The following MEMO1 variants were observed in gnomAD, a reference collection of about 807,000 sequenced individuals.
MEMO1 encodes mediator of cell motility 1.
A neutral mutation model predicts 45.2 loss-of-function variants in MEMO1; 6 were observed. The observed-to-expected ratio is 0.13, with a 90% CI of 0.07 to 0.26. The LOEUF (loss-of-function observed/expected upper bound fraction) is 0.26. Among genes scored for constraint, MEMO1 ranks in the 10% least tolerant of loss-of-function variants. The pLI is 1.00. For missense variants in MEMO1, 184 were observed against 370.5 expected, an observed-to-expected ratio of 0.50 and a Z score of 4.13; for synonymous variants, 78 against 124.3, an observed-to-expected ratio of 0.63 and a Z score of 2.48.
chr2:31,906,540 G>C (rs1431908205), intron 6 of MEMO1, among the ~76,000 whole-genome samples: 1 of 151,826 alleles, frequency 6.6e-6, no homozygotes, highest in African/African-American at 2.4e-5. Context: ...GGCCAGGATG[G>C]TCTTGAACTC....
chr2:31,922,779 A>T (rs1410195962), intron 4 of MEMO1, among the ~76,000 whole-genome samples: 1 of 151,898 alleles, frequency 6.6e-6, no homozygotes, highest in Non-Finnish European at 1.5e-5. Context: ...CTCTAGCTCA[A>T]TGTTGCTGCA....
chr2:31,956,881 C>G (rs1215206254), intron 2 of MEMO1, among the ~76,000 whole-genome samples: 1 of 152,156 alleles, frequency 6.6e-6, no homozygotes, highest in East Asian at 1.9e-4. Flanking sequence ...CAGTGGCTCA[C>G]GCCTCTAATC....
chr2:31,940,853 C>G (rs995333104), intron 3 of MEMO1, among the ~76,000 whole-genome samples: 6 of 152,150 alleles, frequency 3.9e-5, no homozygotes, highest in Admixed American at 1.3e-4. Flanking sequence ...CTTGACTCTT[C>G]TTCTCTCTAT....
chr2:31,986,969 C>T (rs764020889), intron 2 of MEMO1, among the ~76,000 whole-genome samples: 5 of 152,030 alleles, frequency 3.3e-5, no homozygotes, highest in Non-Finnish European at 7.4e-5. Flanking sequence ...AAGAGTGTAG[C>T]ATGTTGCAAC....
At position 32,010,214 on chromosome 2, in the gene MEMO1, G is replaced by C; in HGVS notation, c.34C>G (p.His12Asp). The stretch of plus-strand genomic sequence containing the variant: ...GAGGCTGTGTACCAGCTCCCGGCGT[G>C]ACTGGCTTCTCGGCAGACCACTCGG... ...SNRVVCREAS[H>D]AGSWYTASGP... Residue 12 changes from histidine to aspartate, a missense_variant, in exon 2 of 10, where the codon CAC becomes GAC. This residue lies in a region of MEMO1 where 27 missense variants were observed against 82.1 expected (regional missense o/e 0.33). Transcript: ENST00000404530. 1 of 1,506,002 alleles carries C rather than the reference G, an allele frequency of 6.6e-7. No homozygotes were observed. The allele number at this position is 1,506,002 out of a possible 1,614,324, so 93.3% of individuals were successfully genotyped here.
At chr2:32,000,465 C>T (rs931896677) in intron 2 of MEMO1, among the ~76,000 whole-genome samples, 3 of 151,218 alleles carry the variant, frequency 2.0e-5, no homozygotes, top group East Asian at 2.0e-4. Flanking sequence ...CTCCTGACCT[C>T]GTGATCCGCC....
chr2:32,000,240 T>A (rs1169445940), intron 2 of MEMO1, among the ~76,000 whole-genome samples: 2 of 151,696 alleles, frequency 1.3e-5, no homozygotes, highest in Admixed American at 1.3e-4. Flanking sequence ...CTTATTTTTT[T>A]TTTTTTGAGA....
rs140568290 is a variant in MEMO1, at chr2:31,877,543, G to GA, written c.657+5842dup. 4.7e-3 allele frequency among the ~76,000 whole-genome samples: 717 copies of GA among 152,218 alleles called. 6 individuals carry two copies. The highest frequency in any genetic ancestry group is 0.017 in the African/African-American group (694 of 41,532). ...TTTTGCATTGATTTTAATATACAAT[G>GA]AGTTTCCCAGGAATAAAACTATCAT... On this transcript the variant is annotated intron_variant, in intron 8 of 9. Coordinates refer to ENST00000404530, the MANE Select transcript of MEMO1 (RefSeq NM_001301833.4).
intron 2 of MEMO1, among the ~76,000 whole-genome samples, chr2:31,994,018 T>C (rs1322502343): frequency 7.4e-6 from 1 of 134,680 alleles, no homozygotes; most frequent in Non-Finnish European, 1.5e-5. Context: ...TTGAGTGCAG[T>C]GACATGATCT....
At chr2:32,005,156 G>A (rs573693785) in intron 2 of MEMO1, among the ~76,000 whole-genome samples, 3 of 151,526 alleles carry the variant, frequency 2.0e-5, no homozygotes, top group Admixed American at 6.6e-5. Context: ...ATGTAACACC[G>A]AGCAAAAGCT....
At chr2:31,986,275 T>C (rs1482912406) in intron 2 of MEMO1, among the ~76,000 whole-genome samples, 3 of 152,038 alleles carry the variant, frequency 2.0e-5, no homozygotes, top group African/African-American at 4.8e-5. Context: ...GGCAGGGGCC[T>C]GTAGTCCCAG....
chr2:31,989,546 C>G (rs1423275449), intron 2 of MEMO1, among the ~76,000 whole-genome samples: 1 of 152,032 alleles, frequency 6.6e-6, no homozygotes, highest in African/African-American at 2.4e-5. Context: ...AAGATACAAC[C>G]AAAGTGGAGG....
intron 7 of MEMO1, among the ~76,000 whole-genome samples, chr2:31,890,164 T>G (rs921068852): frequency 1.3e-5 from 2 of 152,146 alleles, no homozygotes; most frequent in Non-Finnish European, 2.9e-5. Context: ...AAGAGCAATA[T>G]TGAAATGTTT....
chr2:31,922,183 T>C (rs1682412447), intron 4 of MEMO1, among the ~76,000 whole-genome samples: 1 of 152,166 alleles, frequency 6.6e-6, no homozygotes, highest in African/African-American at 2.4e-5. Context: ...CTAGTTCTTT[T>C]CTGTCAAAAA....
chr2:31,961,501 G>A lies in MEMO1; in HGVS notation c.62-18118C>T, dbSNP rs543571674. On this transcript the variant is annotated intron_variant, in intron 2 of 9. Transcript: ENST00000404530. ...TCTTGGGCCAGCCATGGTGGCTCAC[G>A]CCTATAATCCCAGCACTTTGGGAGG... is the stretch of plus-strand genomic sequence containing the variant. Among the ~76,000 whole-genome samples, 18 of 150,482 alleles carry A rather than the reference G, an allele frequency of 1.2e-4. 1 individual carries two copies. Among genetic ancestry groups the A allele is most frequent in the Middle Eastern group, 7.3e-3 (2 of 274 alleles).
chr2:31,945,664 C>G (rs1252266434), intron 2 of MEMO1, among the ~76,000 whole-genome samples: 1 of 152,206 alleles, frequency 6.6e-6, no homozygotes, highest in Non-Finnish European at 1.5e-5. Flanking sequence ...CCATCTCTTT[C>G]AAATGAGATC....
chr2:31,885,241 T>G (rs2147953147), intron 7 of MEMO1, among the ~76,000 whole-genome samples: 1 of 152,272 alleles, frequency 6.6e-6, no homozygotes, highest in African/African-American at 2.4e-5. Flanking sequence ...TGCCTCAACC[T>G]CCCGAGTAGC....
chr2:31,953,383 A>C (rs1368675891), intron 2 of MEMO1, among the ~76,000 whole-genome samples: 1 of 152,022 alleles, frequency 6.6e-6, no homozygotes, highest in African/African-American at 2.4e-5. Context: ...AAAAAAAAAA[A>C]AACACAATTA....
chr2:31,888,258 C>T (rs774466160), intron 7 of MEMO1, among the ~76,000 whole-genome samples: 1 of 151,956 alleles, frequency 6.6e-6, no homozygotes, highest in Non-Finnish European at 1.5e-5. Flanking sequence ...GCCTCAGCCT[C>T]CCACATAGCT....
Sources: allele counts gnomAD v4.1 joint callset (sites outside exome capture counted in the v4.1 genomes callset), GRCh38; gene constraint gnomAD v4.1.1; regional missense constraint gnomAD v4.1.1; transcripts MANE v1.5; gene names NCBI Gene and HGNC (gene_info 2026-07-23, HGNC 2026-07-21).